Variants in ANO1 observed in about 807,000 individuals in gnomAD.
ANO1 encodes anoctamin 1, also known as anoctamin-1.
In ANO1, 59 loss-of-function variants were observed where a neutral mutation model predicts 124.0. That is an observed-to-expected ratio of 0.48 (90% CI 0.39 to 0.59). The LOEUF (loss-of-function observed/expected upper bound fraction) is 0.59, where lower values mean the gene tolerates loss of function less well. Among genes scored for constraint, ANO1 ranks in the 20% least tolerant of loss-of-function variants. ANO1 has a pLI of 0.00. For synonymous variants in ANO1, 529 were observed against 532.0 expected, an observed-to-expected ratio of 0.99 and a Z score of 0.08; for missense variants, 1,059 against 1,328.0, an observed-to-expected ratio of 0.80 and a Z score of 3.15.
At chr11:70,010,179 G>GTATATATATATATATATATATATAGA (rs71926266) in intron 1 of ANO1, among the ~76,000 whole-genome samples, 1 of 83,776 alleles carries the variant, frequency 1.2e-5, no homozygotes, top group Admixed American at 1.3e-4. Flanking sequence ...GTGTGTGTGT[G>GTATATATATATATATATATATATAGA]TATATATATA....
Position 70,094,587 on chromosome 11 carries a change from A to G in ANO1, c.441+6503A>G, listed in dbSNP as rs544783659. Reference sequence around the variant, plus strand: ...CAGAACCATGAGTAGGTAGGGCAGAATTTCGATCCTGAGCTGAGAGTGGCA... The same window carrying G: ...CAGAACCATGAGTAGGTAGGGCAGAGTTTCGATCCTGAGCTGAGAGTGGCA... On this transcript the variant is annotated intron_variant, in intron 2 of 25. Transcript: ENST00000355303. 1.2e-4 allele frequency among the ~76,000 whole-genome samples: 19 copies of G among 152,292 alleles called. 1 individual carries two copies. In the South Asian group the frequency reaches 3.5e-3, roughly 28 times the overall value.
At chr11:70,020,804 C>T in intron 1 of ANO1, 1 of 152,252 alleles carries the variant, frequency 6.6e-6, no homozygotes, top group South Asian at 2.1e-4. Flanking sequence ...GAGAACTAAA[C>T]CCAGAAACAA....
chr11:70,138,696 A>T (rs1187312489), intron 11 of ANO1, among the ~76,000 whole-genome samples: 5 of 152,204 alleles, frequency 3.3e-5, no homozygotes, highest in African/African-American at 1.2e-4. Context: ...ACCCGCTCGT[A>T]AGCAGGGCTT....
chr11:69,973,532 C>G, the ANO1 span, among the ~76,000 whole-genome samples: 949 of 152,078 alleles, frequency 6.2e-3, 8 homozygotes, highest in African/African-American at 0.022. Context: ...CTAGGCGGTG[C>G]GAGGCATCAT....
At chr11:69,986,635 C>G (rs1399689028) in intron 1 of ANO1, among the ~76,000 whole-genome samples, 1 of 151,962 alleles carries the variant, frequency 6.6e-6, no homozygotes, top group African/African-American at 2.4e-5. Flanking sequence ...TACTATGACT[C>G]GAAATCATAA....
chr11:70,112,468 G>A (rs1027644265), intron 7 of ANO1, among the ~76,000 whole-genome samples: 2 of 152,152 alleles, frequency 1.3e-5, no homozygotes, highest in Non-Finnish European at 2.9e-5. Flanking sequence ...CTTGAGTGGT[G>A]GAGTCAGCCC....
intron 11 of ANO1, among the ~76,000 whole-genome samples, chr11:70,143,407 A>C (rs192118383): frequency 2.6e-4 from 40 of 152,296 alleles, no homozygotes; most frequent in African/African-American, 8.7e-4. Context: ...AAGCCTGAGT[A>C]GTAGAGACAT....
At chr11:70,042,298 T>C (rs1463404178) in intron 1 of ANO1, among the ~76,000 whole-genome samples, 4 of 152,126 alleles carry the variant, frequency 2.6e-5, no homozygotes, top group Non-Finnish European at 5.9e-5. Flanking sequence ...GTTGAAGGCA[T>C]GAAAATTGTC....
At chr11:70,110,099 C>A (rs907563239) in intron 6 of ANO1, among the ~76,000 whole-genome samples, 7 of 151,996 alleles carry the variant, frequency 4.6e-5, no homozygotes. Flanking sequence ...CATGCAAAGG[C>A]CCTGCGGCAG....
chr11:70,027,021 G>A (rs1278398425), intron 1 of ANO1, among the ~76,000 whole-genome samples: 1 of 152,146 alleles, frequency 6.6e-6, no homozygotes, highest in Admixed American at 6.5e-5. Context: ...CTGCTCAAAT[G>A]TGACCTCCTC....
At chr11:70,050,486 T>C (rs1555006184) in intron 1 of ANO1, among the ~76,000 whole-genome samples, 1 of 152,148 alleles carries the variant, frequency 6.6e-6, no homozygotes, top group African/African-American at 2.4e-5. Flanking sequence ...CTCCTCCCTG[T>C]AGGCTTTTCC....
At chr11:70,169,566 A>G (rs551878295) in intron 21 of ANO1, among the ~76,000 whole-genome samples, 1 of 151,676 alleles carries the variant, frequency 6.6e-6, no homozygotes, top group African/African-American at 2.4e-5. Flanking sequence ...CACCCTGCTG[A>G]GTGACCCACA....
intron 21 of ANO1, among the ~76,000 whole-genome samples, chr11:70,168,731 G>A (rs947821308): frequency 6.6e-6 from 1 of 152,160 alleles, no homozygotes; most frequent in Non-Finnish European, 1.5e-5. Context: ...GTGAGACCTG[G>A]CAGGCTGCAT....
At chr11:70,116,253 G>C (rs927301043) in intron 7 of ANO1, among the ~76,000 whole-genome samples, 1 of 152,190 alleles carries the variant, frequency 6.6e-6, no homozygotes, top group Non-Finnish European at 1.5e-5. Context: ...CCAACAGGGC[G>C]GCCAACAGGG....
Position 70,184,952 on chromosome 11 carries a change from G to T in ANO1, c.2589-638G>T, listed in dbSNP as rs191037597. 9.2e-5 allele frequency among the ~76,000 whole-genome samples: 14 copies of T among 152,244 alleles called. No homozygotes were observed. The East Asian group carries it at 2.7e-3, about 29-fold the overall frequency. ...TGCAGAGACAGGGTTTTACTGTGTG[G>T]CCCAGACTGATCTCTAACTCCTCAG... is the stretch of plus-strand genomic sequence containing the variant. On this transcript the variant is annotated intron_variant, in intron 24 of 25. Coordinates refer to ENST00000355303, the MANE Select transcript of ANO1 (RefSeq NM_018043.7).
intron 2 of ANO1, among the ~76,000 whole-genome samples, chr11:70,095,426 GAAAAGAAAA>G (rs1565194495): frequency 2.1e-5 from 1 of 47,462 alleles, no homozygotes; most frequent in Non-Finnish European, 5.1e-5. Flanking sequence ...AAGAAAGAAA[GAAAAGAAAA>G]GAAAGAAAGA....
intron 1 of ANO1, among the ~76,000 whole-genome samples, chr11:70,026,090 A>T (rs962689166): frequency 3.6e-5 from 5 of 137,632 alleles, no homozygotes; most frequent in Non-Finnish European, 7.7e-5. Context: ...GATGATGATG[A>T]TGATGACGGT....
chr11:70,125,328 G>A (rs2046453048), intron 9 of ANO1, among the ~76,000 whole-genome samples: 1 of 147,446 alleles, frequency 6.8e-6, no homozygotes. Context: ...GGGCGACAGA[G>A]CAAGACTCCA....
upstream of ANO1, among the ~76,000 whole-genome samples, chr11:69,984,142 C>A (rs1330018158): frequency 6.6e-6 from 1 of 152,108 alleles, no homozygotes; most frequent in Non-Finnish European, 1.5e-5. Flanking sequence ...GCTATCAGAC[C>A]CTTCCAAGAA....
Sources: allele counts gnomAD v4.1 joint callset (sites outside exome capture counted in the v4.1 genomes callset), GRCh38; gene constraint gnomAD v4.1.1; transcripts MANE v1.5; gene names NCBI Gene and HGNC (gene_info 2026-07-23, HGNC 2026-07-21).